CABCOCO1: variants seen among roughly 807,000 people sequenced by gnomAD.
CABCOCO1 encodes the protein ciliary-associated calcium-binding coiled-coil protein 1.
A neutral mutation model predicts 35.7 loss-of-function variants in CABCOCO1; 28 were observed. The observed-to-expected ratio is 0.78, with a 90% CI of 0.58 to 1.07. The LOEUF (loss-of-function observed/expected upper bound fraction) is 1.07, where lower values mean the gene tolerates loss of function less well. Ranked by LOEUF, CABCOCO1 falls within the 50% of genes least tolerant of loss-of-function variation. The probability of loss-of-function intolerance (pLI) is 0.00; values close to 1 mark genes in which losing one functional copy is unlikely to be tolerated. For synonymous variants in CABCOCO1, 95 were observed against 100.1 expected (o/e 0.95, Z 0.30); for missense variants, 326 against 309.2 (o/e 1.05, Z -0.41).
rs765176768 is a variant in CABCOCO1 at position 61,757,798 on chromosome 10, G to A, written c.553-2261G>A. ...CCTTATAAAGAAATCCAGAGGACAG[G>A]GATGTGAGGGAAAGAAATGAGAGAA... On this transcript the variant is annotated intron_variant, in intron 5 of 7. Coordinates refer to ENST00000648843, the MANE Select transcript of CABCOCO1 (RefSeq NM_001366906.2). Among the ~76,000 whole-genome samples the A allele has an allele frequency of 9.9e-5, 15 of 152,010 alleles. No homozygotes were observed. The East Asian group carries it at 2.1e-3, about 22-fold the overall frequency.
At chr10:61,745,297 T>A (rs977773386) in intron 5 of CABCOCO1, among the ~76,000 whole-genome samples, 5 of 152,194 alleles carry the variant, frequency 3.3e-5, no homozygotes, top group Admixed American at 1.3e-4. Flanking sequence ...TATTTTGACA[T>A]GTTTTTATAT....
chr10:61,682,003 T>C (rs1038327561), intron 3 of CABCOCO1, among the ~76,000 whole-genome samples: 1 of 152,180 alleles, frequency 6.6e-6, no homozygotes. Context: ...TATGCAAAAA[T>C]TAAATTTTAA....
intron 5 of CABCOCO1, among the ~76,000 whole-genome samples, chr10:61,746,777 T>A (rs890480357): frequency 1.1e-4 from 16 of 152,178 alleles, no homozygotes; most frequent in African/African-American, 3.9e-4. Context: ...CTGTTTTTTG[T>A]AAAGCTGTTT....
intron 5 of CABCOCO1, among the ~76,000 whole-genome samples, chr10:61,695,322 T>C (rs1589126985): frequency 1.3e-5 from 2 of 150,194 alleles, no homozygotes; most frequent in African/African-American, 4.9e-5. Flanking sequence ...AAATAAAGCA[T>C]GGGGATGCAA....
chr10:61,735,133 G>A (rs1161667539), intron 5 of CABCOCO1, among the ~76,000 whole-genome samples: 1 of 151,952 alleles, frequency 6.6e-6, no homozygotes, highest in Non-Finnish European at 1.5e-5. Context: ...GAATAAAATT[G>A]GGAGCCAGCT....
chr10:61,750,437 G>A (rs537332695), intron 5 of CABCOCO1, among the ~76,000 whole-genome samples: 8 of 152,230 alleles, frequency 5.3e-5, no homozygotes, highest in South Asian at 4.2e-4. Flanking sequence ...TTAGCCTAGC[G>A]TGGTGGCGGG....
Position 61,726,826 on chromosome 10 carries a change from C to A in CABCOCO1, c.553-33233C>A, listed in dbSNP as rs10994900. Among the ~76,000 whole-genome samples, 138 of 150,888 alleles carry A rather than the reference C, an allele frequency of 9.1e-4. 2 individuals are homozygous for A. The highest frequency in any genetic ancestry group is 3.5e-3 in the Middle Eastern group (1 of 288). On this transcript the variant is annotated intron_variant, in intron 5 of 7. Transcript: ENST00000648843. ...TAATCCCAGCACTTTGGGAGGCGAG[C>A]GGGGGTGGATCACCTGAGGTCAGGA...
intron 5 of CABCOCO1, among the ~76,000 whole-genome samples, chr10:61,698,854 A>G (rs1840363689): frequency 6.6e-6 from 1 of 152,118 alleles, no homozygotes; most frequent in Middle Eastern, 3.2e-3. Flanking sequence ...CACCCTTTTA[A>G]GAAAAAAAAG....
At chr10:61,681,786 T>A (rs1214239521) in intron 3 of CABCOCO1, among the ~76,000 whole-genome samples, 4 of 152,138 alleles carry the variant, frequency 2.6e-5, no homozygotes, top group Non-Finnish European at 5.9e-5. Context: ...TACATGCTTT[T>A]ATTTATAAAA....
chr10:61,700,984 C>CAG (rs1288349381), intron 5 of CABCOCO1, among the ~76,000 whole-genome samples: 4 of 148,318 alleles, frequency 2.7e-5, no homozygotes, highest in African/African-American at 9.9e-5. Flanking sequence ...TATACATACA[C>CAG]AGAGAGAGAG....
chr10:61,720,523 A>G (rs747616351), intron 5 of CABCOCO1, among the ~76,000 whole-genome samples: 4 of 152,200 alleles, frequency 2.6e-5, no homozygotes, highest in Non-Finnish European at 5.9e-5. Context: ...AATCTAGCCA[A>G]TATACAGATT....
intron 3 of CABCOCO1, among the ~76,000 whole-genome samples, chr10:61,685,701 C>T (rs1388811862): frequency 1.3e-5 from 2 of 152,090 alleles, no homozygotes; most frequent in South Asian, 2.1e-4. Context: ...GCTGGGACCA[C>T]GGGCATGTGT....
chr10:61,672,670 T>A lies in CABCOCO1; in HGVS notation c.99T>A (p.Ser33=). Residue 33 remains serine (S), a synonymous_variant, in exon 2 of 8, where the codon TCT becomes TCA. Coordinates refer to ENST00000648843, the MANE Select transcript of CABCOCO1 (RefSeq NM_001366906.2). Reference sequence around the variant, plus strand: ...TCCAGGAGCATGAAAAGATTCTGTCTCCGGATTTTCTTTCAGTTGCCCAAA... The same window carrying A: ...TCCAGGAGCATGAAAAGATTCTGTCACCGGATTTTCTTTCAGTTGCCCAAA... ...TEFQEHEKIL[S]PDFLSVAQIT... The A allele has an allele frequency of 1.0e-6, 1 of 983,106 alleles. No individual in the cohort carries two copies. The highest frequency in any genetic ancestry group is 1.2e-6 in the Non-Finnish European group (1 of 827,818). The allele number at this position is 983,106 out of a possible 1,614,324, so 60.9% of individuals were successfully genotyped here.
chr10:61,725,545 T>C (rs1841127269), intron 5 of CABCOCO1, among the ~76,000 whole-genome samples: 1 of 134,692 alleles, frequency 7.4e-6, no homozygotes, highest in Non-Finnish European at 1.5e-5. Context: ...CACTCATAGG[T>C]GGGAACTGAA....
intron 5 of CABCOCO1, among the ~76,000 whole-genome samples, chr10:61,700,469 A>G (rs1840419511): frequency 6.6e-6 from 1 of 152,140 alleles, no homozygotes; most frequent in Admixed American, 6.6e-5. Flanking sequence ...ATGTAGATTC[A>G]ACAAAAATCA....
chr10:61,712,297 A>G (rs1024705674), intron 5 of CABCOCO1, among the ~76,000 whole-genome samples: 1 of 152,134 alleles, frequency 6.6e-6, no homozygotes, highest in Non-Finnish European at 1.5e-5. Flanking sequence ...TTGGCTGCAT[A>G]GATGTCTTCT....
At chr10:61,706,305 G>A (rs565236075) in intron 5 of CABCOCO1, among the ~76,000 whole-genome samples, 1 of 152,212 alleles carries the variant, frequency 6.6e-6, no homozygotes, top group East Asian at 1.9e-4. Flanking sequence ...GAAAAGAGAA[G>A]GGAACGCAGT....
intron 5 of CABCOCO1, among the ~76,000 whole-genome samples, chr10:61,729,228 A>T (rs1841238385): frequency 6.6e-6 from 1 of 152,204 alleles, no homozygotes; most frequent in African/African-American, 2.4e-5. Flanking sequence ...GATTCTGATT[A>T]CTATAATCTA....
intron 1 of CABCOCO1, among the ~76,000 whole-genome samples, chr10:61,666,278 C>T (rs550974461): frequency 2.0e-5 from 3 of 152,180 alleles, no homozygotes; most frequent in Admixed American, 2.0e-4. Flanking sequence ...CAGTTTCCTG[C>T]AACATCAGTG....
Sources: allele counts gnomAD v4.1 joint callset (sites outside exome capture counted in the v4.1 genomes callset), GRCh38; gene constraint gnomAD v4.1.1; transcripts MANE v1.5; gene names NCBI Gene and HGNC (gene_info 2026-07-23, HGNC 2026-07-21).